Variants in DGKB observed in about 807,000 individuals in gnomAD.
The protein encoded by DGKB is diacylglycerol kinase beta, also known as 90 kDa diacylglycerol kinase.
A neutral mutation model predicts 114.3 loss-of-function variants in DGKB; 67 were observed. The observed-to-expected ratio is 0.59, with a 90% CI of 0.48 to 0.72. DGKB has a LOEUF of 0.72. Among genes scored for constraint, DGKB ranks in the 30% least tolerant of loss-of-function variants. DGKB has a pLI of 0.00. For synonymous variants in DGKB, 398 were observed against 323.1 expected, an observed-to-expected ratio of 1.23 and a Z score of -2.49; for missense variants, 907 against 975.2, an observed-to-expected ratio of 0.93 and a Z score of 0.93.
At position 14,540,584 on chromosome 7, in the gene DGKB, T is replaced by C. The variant is rs187507241; in HGVS notation, c.1770+33628A>G. Among the ~76,000 whole-genome samples the C allele has an allele frequency of 3.5e-3, 540 of 152,356 alleles. 3 individuals carry two copies. The highest frequency in any genetic ancestry group is 0.013 in the African/African-American group (523 of 41,600). ...AAGTCATCACAGTTGCTAATTCGTT[T>C]ATCTGAGAATATACAGATTTACCTT... is the stretch of plus-strand genomic sequence containing the variant. On this transcript the variant is annotated intron_variant, in intron 20 of 25. Coordinates refer to ENST00000402815, the MANE Select transcript of DGKB (RefSeq NM_001350709.2).
chr7:14,956,483 C>G (rs1254450795), intron 1 of DGKB, among the ~76,000 whole-genome samples: 1 of 151,946 alleles, frequency 6.6e-6, no homozygotes, highest in East Asian at 1.9e-4. Flanking sequence ...AAAGGTTTTG[C>G]AAAGTAGTAA....
At chr7:14,686,118 T>C (rs1012045805) in intron 9 of DGKB, among the ~76,000 whole-genome samples, 1 of 152,176 alleles carries the variant, frequency 6.6e-6, no homozygotes, top group Non-Finnish European at 1.5e-5. Flanking sequence ...ACAATCACTA[T>C]GGTTATTTGC....
At position 14,470,541 on chromosome 7, in the gene DGKB, T is replaced by C. The variant is rs183312146; in HGVS notation, c.1835+7620A>G. 1.3e-3 allele frequency among the ~76,000 whole-genome samples: 191 copies of C among 151,926 alleles called. 1 individual carries two copies. Among genetic ancestry groups the C allele is most frequent in the African/African-American group, 4.5e-3 (186 of 41,538 alleles). On this transcript the variant is annotated intron_variant, in intron 21 of 25. Transcript: ENST00000402815. ...TCAGTAATTTAAAAATCAATTGTAC[T>C]CCTGAAATAACAGTTTAATTCCTAA...
chr7:14,227,060 T>G (rs1360045880), intron 23 of DGKB, among the ~76,000 whole-genome samples: 3 of 151,978 alleles, frequency 2.0e-5, no homozygotes, highest in African/African-American at 7.2e-5. Context: ...TTTGTCTGTT[T>G]GTTTTAAGAG....
At chr7:14,875,458 A>G (rs944022453) in intron 1 of DGKB, among the ~76,000 whole-genome samples, 3 of 152,172 alleles carry the variant, frequency 2.0e-5, no homozygotes, top group African/African-American at 7.2e-5. Context: ...AATCTGAAAT[A>G]TACCAATTTG....
rs148656118 is a variant in DGKB, at chr7:14,795,550, A to C, written c.71-37819T>G. Among the ~76,000 whole-genome samples, 1,285 of 152,248 alleles carry C rather than the reference A, an allele frequency of 8.4e-3. 14 individuals are homozygous for C. The highest frequency in any genetic ancestry group is 0.028 in the African/African-American group (1,184 of 41,574). On this transcript the variant is annotated intron_variant, in intron 2 of 25. Coordinates refer to ENST00000402815, the MANE Select transcript of DGKB (RefSeq NM_001350709.2). ...TGTCAGTGGAGCCCTGTCATCCTTA[A>C]AGATCTCTGTGATCACTGTCTGTAG...
intron 17 of DGKB, among the ~76,000 whole-genome samples, chr7:14,599,832 A>G (rs1585041920): frequency 1.3e-5 from 2 of 152,218 alleles, no homozygotes; most frequent in South Asian, 4.1e-4. Flanking sequence ...TCATCAGTTA[A>G]CTGCCTGGGG....
chr7:14,505,980 C>T (rs780846598), intron 20 of DGKB, among the ~76,000 whole-genome samples: 4 of 152,060 alleles, frequency 2.6e-5, no homozygotes, highest in Admixed American at 1.3e-4. Flanking sequence ...TGCCTAATAT[C>T]GTCAAGTGTA....
chr7:14,283,499 A>G (rs1015254285), intron 23 of DGKB, among the ~76,000 whole-genome samples: 5 of 150,494 alleles, frequency 3.3e-5, no homozygotes, highest in African/African-American at 1.2e-4. Context: ...TCTTCACAGA[A>G]TTGGAAAAAA....
At chr7:14,360,650 A>G (rs1815548789) in intron 21 of DGKB, among the ~76,000 whole-genome samples, 1 of 152,074 alleles carries the variant, frequency 6.6e-6, no homozygotes, top group African/African-American at 2.4e-5. Flanking sequence ...AACTTTGGGC[A>G]TCTAACAAAT....
intron 21 of DGKB, among the ~76,000 whole-genome samples, chr7:14,431,628 T>C (rs1259511420): frequency 3.9e-5 from 6 of 152,288 alleles, no homozygotes; most frequent in South Asian, 4.1e-4. Flanking sequence ...AAATTTTATC[T>C]ATAAAAAGTA....
chr7:14,178,374 C>G (rs931693161), intron 23 of DGKB, among the ~76,000 whole-genome samples: 1 of 125,790 alleles, frequency 7.9e-6, no homozygotes, highest in Non-Finnish European at 1.7e-5. Context: ...TATTCTAAAA[C>G]AAAATGGGAA....
chr7:14,471,341 T>C (rs199892334), intron 21 of DGKB, among the ~76,000 whole-genome samples: 1 of 125,274 alleles, frequency 8.0e-6, no homozygotes, highest in Non-Finnish European at 1.7e-5. Context: ...TGTGTATACA[T>C]ACATATATGT....
chr7:14,952,360 C>T (rs766972494), intron 1 of DGKB, among the ~76,000 whole-genome samples: 11 of 151,906 alleles, frequency 7.2e-5, no homozygotes, highest in Non-Finnish European at 1.3e-4. Flanking sequence ...GATATAACAT[C>T]GCACGTACAT....
chr7:14,301,100 G>T (rs996813183), intron 23 of DGKB, among the ~76,000 whole-genome samples: 8 of 152,028 alleles, frequency 5.3e-5, no homozygotes, highest in Admixed American at 1.3e-4. Flanking sequence ...AATAATAAAA[G>T]ATTACACTTT....
chr7:14,677,940 T>C (rs188221761), intron 12 of DGKB, among the ~76,000 whole-genome samples: 1 of 152,192 alleles, frequency 6.6e-6, no homozygotes, highest in East Asian at 1.9e-4. Context: ...ACTTTATATC[T>C]ACAAGATAGC....
chr7:14,581,367 T>C (rs1020120167), intron 18 of DGKB, among the ~76,000 whole-genome samples: 1 of 152,176 alleles, frequency 6.6e-6, no homozygotes. Flanking sequence ...TCTAGGTACA[T>C]TTTACTTAAA....
intron 13 of DGKB, among the ~76,000 whole-genome samples, chr7:14,656,500 A>G (rs1815821953): frequency 6.6e-6 from 1 of 151,480 alleles, no homozygotes; most frequent in Admixed American, 6.6e-5. Context: ...GTGTGTCAAG[A>G]GTCAATCCAT....
chr7:14,505,027 T>C (rs2128961713), intron 20 of DGKB, among the ~76,000 whole-genome samples: 1 of 152,318 alleles, frequency 6.6e-6, no homozygotes, highest in Non-Finnish European at 1.5e-5. Context: ...TTCATGTTGA[T>C]AAAGCTCTAC....
Sources: gnomAD v4.1 joint callset for allele counts (sites outside exome capture counted in the v4.1 genomes callset) on GRCh38, gnomAD v4.1.1 for gene constraint, MANE v1.5 for transcripts, NCBI Gene and HGNC (gene_info 2026-07-23, HGNC 2026-07-21) for gene names.